The following SZT2 variants were observed in gnomAD, a reference collection of about 807,000 sequenced individuals.
The protein encoded by SZT2 is SZT2 subunit of KICSTOR complex, also known as KICSTOR complex protein SZT2.
In SZT2, 216 loss-of-function variants were observed where a neutral mutation model predicts 404.2. The observed-to-expected ratio is 0.53, with a 90% CI of 0.48 to 0.60. The LOEUF is 0.60. Among genes scored for constraint, SZT2 ranks in the 20% least tolerant of loss-of-function variants. The pLI is 0.00. For missense variants in SZT2, 3,857 were observed against 4,459.2 expected (o/e 0.86, Z 3.85); for synonymous variants, 1,693 against 1,749.9 (o/e 0.97, Z 0.81).
At position 43,424,699 on chromosome 1, in the gene SZT2, G is replaced by A. The variant is rs1401554336; in HGVS notation, c.2472-85G>A. On this transcript the variant is annotated intron_variant, in intron 16 of 71. Transcript: ENST00000634258. This position sits in a 1 kb window ranked among gnomAD's most constrained non-coding sequence, Gnocchi z 4.1. ...CTTGGCTCCTTGAGGACTGCTGGGA[G>A]GTGGGTGTATGTGGGGAGAGCTTGT... is the stretch of plus-strand genomic sequence containing the variant. The A allele has an allele frequency of 1.7e-6, 2 of 1,202,246 alleles. No homozygotes were observed. Among genetic ancestry groups the A allele is most frequent in the Non-Finnish European group, 2.4e-6 (2 of 820,590 alleles). 74.5% of individuals were successfully genotyped at this position (1,202,246 alleles called of 1,614,324 possible). A position where few individuals can be genotyped will look rare whatever the true frequency, so the allele number is the denominator to read the frequency against.
chr1:43,416,017 A>G lies in SZT2; in HGVS notation c.688A>G (p.Met230Val), dbSNP rs1363022583. The G allele has an allele frequency of 3.1e-6, 5 of 1,598,382 alleles. No homozygotes were observed. In the Admixed American group the frequency reaches 5.0e-5, roughly 16 times the overall value. The change falls in exon 6 of 72, where the codon ATG becomes GTG. Residue 230 changes from methionine to valine, a missense_variant. By Grantham distance (21) the Met-to-Val change is conservative (BLOSUM62 1). Around this residue, in one of 7 missense-constraint regions of SZT2, gnomAD observed 536 missense variants for 637.4 expected, o/e 0.84. Coordinates refer to ENST00000634258, the MANE Select transcript of SZT2 (RefSeq NM_001365999.1). ...DLLGRKVGVS[M>V]VTADLGLVSM... ...ACTGGGCCGGAAGGTAGGCGTCTCC[A>G]TGGTGACAGCTGATCTTGGGCTGGT...
rs1655972929 is a variant in SZT2 at position 43,448,531 on chromosome 1, T to C, written c.9969+47T>C. 1 of 1,610,784 alleles carries C rather than the reference T, an allele frequency of 6.2e-7. No homozygotes were observed. The highest frequency in any genetic ancestry group is 1.3e-5 in the African/African-American group (1 of 74,876). On this transcript the variant is annotated intron_variant, in intron 69 of 71. Transcript: ENST00000634258. The surrounding 1 kb of genome is among the most constrained non-coding windows in gnomAD (Gnocchi z 4.2). Reference sequence around the variant, plus strand: ...AAAGAGCTGGGATAGGTGCCAGGAATTCCACTGGCAGCCAGGGCAGAGGGC... The same window carrying C: ...AAAGAGCTGGGATAGGTGCCAGGAACTCCACTGGCAGCCAGGGCAGAGGGC...
rs772312797 is a variant in SZT2 at position 43,447,931 on chromosome 1, C to G, written c.9523C>G (p.Pro3175Ala). The change falls in exon 68 of 72, where the codon CCC (proline) becomes GCC (alanine). Residue 3175 changes from proline (P) to alanine (A), a missense_variant. By Grantham distance (27) the Pro-to-Ala change is conservative (BLOSUM62 -1). Coordinates refer to ENST00000634258, the MANE Select transcript of SZT2 (RefSeq NM_001365999.1). ...TCTGCTTGTCTGTCACTGTGCTGCA[C>G]CCTTTGAGGAGCAAGGAGAGGCTGA... ...VSLLVCHCAA[P>A]FEEQGEAERH... The G allele has an allele frequency of 4.3e-6, 7 of 1,614,062 alleles. No homozygotes were observed. Among genetic ancestry groups the G allele is most frequent in the Non-Finnish European group, 5.9e-6 (7 of 1,180,018 alleles).
At chr1:43,434,785 G>A (rs551900713) in intron 41 of SZT2, among the ~76,000 whole-genome samples, 4 of 152,280 alleles carry the variant, frequency 2.6e-5, no homozygotes, top group Admixed American at 6.5e-5. Context: ...ACAGAGGGAC[G>A]CTGTAACTCT....
At chr1:43,445,010 C>T (rs1655508360) in intron 62 of SZT2, among the ~76,000 whole-genome samples, 1 of 152,188 alleles carries the variant, frequency 6.6e-6, no homozygotes, top group Non-Finnish European at 1.5e-5. Flanking sequence ...GCCTGCCCCT[C>T]CTGTGATCCC....
At chr1:43,404,282 T>C in intron 3 of SZT2, 98 bp from the exon 4 acceptor site, 2 of 1,030,090 alleles carry the variant, frequency 1.9e-6, no homozygotes, top group Admixed American at 2.3e-5. Context: ...CGATCATCCA[T>C]AAGTTAAGTG....
rs1656288769 is a variant in SZT2 at position 43,450,686 on chromosome 1, G to C, written c.*206G>C. The C allele has an allele frequency of 2.6e-6, 2 of 776,372 alleles. No individual in the cohort carries two copies. The highest frequency in any genetic ancestry group is 3.5e-5 in the African/African-American group (2 of 57,448). 48.1% of individuals were successfully genotyped at this position (776,372 alleles called of 1,614,324 possible). On this transcript the variant is annotated 3_prime_UTR_variant, in exon 72 of 72. Transcript: ENST00000634258. This position sits in a 1 kb window ranked among gnomAD's most constrained non-coding sequence, Gnocchi z 4.3. ...CCCTCCCCAAACACCCACAGCCACTGACCCATCCAGGACTCCAGAGAGTCA... is the reference window on the plus strand; with the variant it reads ...CCCTCCCCAAACACCCACAGCCACTCACCCATCCAGGACTCCAGAGAGTCA...
In SZT2 at chr1:43,427,758, A is replaced by G. The variant is rs1346016964; in HGVS notation, c.3803+24A>G. The stretch of plus-strand genomic sequence containing the variant: ...CGGTGAGTGCCTTCAGTGTTGACCT[A>G]AGTCCTCGCCGGGCCATGGCTCCCA... On this transcript the variant is annotated intron_variant, in intron 26 of 71. Coordinates refer to ENST00000634258, the MANE Select transcript of SZT2 (RefSeq NM_001365999.1). 2.5e-6 allele frequency: 4 copies of G among 1,609,678 alleles called. No individual in the cohort carries two copies. In the Admixed American group the frequency reaches 5.0e-5, roughly 20 times the overall value.
chr1:43,452,819 A>G lies in SZT2; in HGVS notation c.*2339A>G. ...GAATCAGCCCCACTTTGAGCCGTCC[A>G]CCTCCTCCCATCATCCCCTGATCTT... On this transcript the variant is annotated 3_prime_UTR_variant, in exon 72 of 72. Transcript: ENST00000634258. 1 of 1,398,542 alleles carries G rather than the reference A, an allele frequency of 7.2e-7. No individual in the cohort carries two copies. Among genetic ancestry groups the G allele is most frequent in the Non-Finnish European group, 9.9e-7 (1 of 1,010,838 alleles). The allele number at this position is 1,398,542 out of a possible 1,614,324, so 86.6% of individuals were successfully genotyped here.
At chr1:43,412,356 T>A (rs1340446523) in intron 4 of SZT2, 1 of 152,314 alleles carries the variant, frequency 6.6e-6, no homozygotes, top group Non-Finnish European at 1.5e-5. Context: ...AGTGCAGTGG[T>A]GTGAACACAG....
intron 4 of SZT2, among the ~76,000 whole-genome samples, chr1:43,414,030 C>T (rs1319233215): frequency 2.6e-5 from 4 of 151,926 alleles, no homozygotes; most frequent in African/African-American, 9.7e-5. Context: ...GCCTGTAATC[C>T]CAGCACTTTG....
chr1:43,419,780 A>G lies in SZT2; in HGVS notation c.926A>G (p.Asn309Ser). 6.3e-7 allele frequency: 1 copy of G among 1,598,454 alleles called. No individual in the cohort carries two copies. The highest frequency in any genetic ancestry group is 1.7e-4 in the Middle Eastern group (1 of 6,060). The part of the protein sequence containing the change: ...SYDCSFGHVP[N>S]VELMKFIAMA... ...GACTGCAGTTTTGGCCATGTGCCCAATGTGGAATTAATGAAGTTCATCGCA... is the reference window on the plus strand; with the variant it reads ...GACTGCAGTTTTGGCCATGTGCCCAGTGTGGAATTAATGAAGTTCATCGCA... Residue 309 changes from asparagine to serine, a missense_variant, in exon 8 of 72, where the codon AAT becomes AGT. Physicochemically the swap from Asn to Ser is conservative, Grantham distance 46. Coordinates refer to ENST00000634258, the MANE Select transcript of SZT2 (RefSeq NM_001365999.1).
chr1:43,443,780 C>T lies in SZT2; in HGVS notation c.8809C>T (p.Pro2937Ser), dbSNP rs751851970. Residue 2937 changes from proline (P) to serine (S), a missense_variant, in exon 62 of 72, where the codon CCC becomes TCC. Transcript: ENST00000634258. ...TTTTGTGCTGGTACCACTGCGGCCCCCCTCACCCGCCCGCAGGTGAGCCCG... is the reference window on the plus strand; with the variant it reads ...TTTTGTGCTGGTACCACTGCGGCCCTCCTCACCCGCCCGCAGGTGAGCCCG... Reference protein sequence around the residue: ...IGFVLVPLRPPSPARSTSRPR... With the variant: ...IGFVLVPLRPSSPARSTSRPR... The T allele has an allele frequency of 5.6e-6, 9 of 1,613,510 alleles. No individual in the cohort carries two copies. The highest frequency in any genetic ancestry group is 2.2e-5 in the East Asian group (1 of 44,890).
rs143992266 is a variant in SZT2, at chr1:43,425,140, G to A, written c.2578G>A (p.Glu860Lys). ...QNEPPGQAAA[E>K]EKHTCVVQYI... Reference sequence around the variant, plus strand: ...TGAACCACCAGGGCAGGCTGCAGCTGAAGAGAAGCACACCTGTGTTGTCCA... The same window carrying A: ...TGAACCACCAGGGCAGGCTGCAGCTAAAGAGAAGCACACCTGTGTTGTCCA... The change falls in exon 18 of 72, where the codon GAA (glutamate) becomes AAA (lysine). Residue 860 changes from glutamate to lysine, a missense_variant. Physicochemically the swap from Glu to Lys is moderately conservative, Grantham distance 56. Transcript: ENST00000634258. The surrounding 1 kb of genome is among the most constrained non-coding windows in gnomAD (Gnocchi z 4.3). The A allele has an allele frequency of 9.0e-3, 14,553 of 1,614,162 alleles. 192 individuals are homozygous for A. Among genetic ancestry groups the A allele is most frequent in the Admixed American group, 0.062 (3,744 of 60,022 alleles).
rs191731277 is a variant in SZT2 at position 43,420,986 on chromosome 1, C to T, written c.1496+3C>T. On this transcript the variant is annotated splice_donor_region_variant and intron_variant, in intron 10 of 71. Transcript: ENST00000634258. The surrounding 1 kb of genome is among the most constrained non-coding windows in gnomAD (Gnocchi z 5.1). ...CGTTTCTGGAACACGCTGCAGAGGT[C>T]AGTGAAGTCATCACTCAATGAGTGC... 6.3e-7 allele frequency: 1 copy of T among 1,598,262 alleles called. No individual in the cohort carries two copies. Among genetic ancestry groups the T allele is most frequent in the Non-Finnish European group, 8.5e-7 (1 of 1,179,662 alleles).
rs1656710805 is a variant in SZT2 at position 43,453,652 on chromosome 1, GCGCC to G, written c.*3173_*3176del. Reference sequence around the variant, plus strand: ...CCCGCTTCTCGCGCGGCGCGCGCCAGCGCCTCAGGCGTCTCCGCGTACGGCCAGG... The same window carrying G: ...CCCGCTTCTCGCGCGGCGCGCGCCAGTCAGGCGTCTCCGCGTACGGCCAGG... On this transcript the variant is annotated 3_prime_UTR_variant, in exon 72 of 72. Coordinates refer to ENST00000634258, the MANE Select transcript of SZT2 (RefSeq NM_001365999.1). 3 of 1,486,576 alleles carry G rather than the reference GCGCC, an allele frequency of 2.0e-6. No homozygotes were observed. The highest frequency in any genetic ancestry group is 2.4e-5 in the Admixed American group (1 of 42,338). The allele number at this position is 1,486,576 out of a possible 1,614,324, so 92.1% of individuals were successfully genotyped here. A position where few individuals can be genotyped will look rare whatever the true frequency, so the allele number is the denominator to read the frequency against.
At position 43,437,950 on chromosome 1, in the gene SZT2, A is replaced by G. The variant is rs1654640707; in HGVS notation, c.6508+48A>G. On this transcript the variant is annotated intron_variant, in intron 46 of 71. Transcript: ENST00000634258. The surrounding 1 kb of genome is among the most constrained non-coding windows in gnomAD (Gnocchi z 5.3). ...GGGAGTCGCCACATGAGGTTCCAGA[A>G]TCCTCTGGGACTTCTCTTAGAACCT... is the stretch of plus-strand genomic sequence containing the variant. The G allele has an allele frequency of 6.4e-7, 1 of 1,572,134 alleles. No homozygotes were observed. The highest frequency in any genetic ancestry group is 8.8e-7 in the Non-Finnish European group (1 of 1,142,668).
chr1:43,424,986 T>C lies in SZT2; in HGVS notation c.2550+124T>C, dbSNP rs767226836. 4.0e-6 allele frequency: 6 copies of C among 1,500,180 alleles called. No homozygotes were observed. Among genetic ancestry groups the C allele is most frequent in the Non-Finnish European group, 5.5e-6 (6 of 1,081,552 alleles). 92.9% of individuals were successfully genotyped at this position (1,500,180 alleles called of 1,614,324 possible). A position where few individuals can be genotyped will look rare whatever the true frequency, so the allele number is the denominator to read the frequency against. Reference sequence around the variant, plus strand: ...CAGGGACCCTGTGGCCAGAGGATGCTCAAGGTCTGAGGCTGCAGTCATAGG... The same window carrying C: ...CAGGGACCCTGTGGCCAGAGGATGCCCAAGGTCTGAGGCTGCAGTCATAGG... On this transcript the variant is annotated intron_variant, in intron 17 of 71. Transcript: ENST00000634258. The surrounding 1 kb of genome is among the most constrained non-coding windows in gnomAD (Gnocchi z 4.1).
At chr1:43,404,686 A>G in intron 4 of SZT2, 136 bp downstream of exon 4, 2 of 849,970 alleles carry the variant, frequency 2.4e-6, no homozygotes, top group Non-Finnish European at 3.6e-6. Context: ...TTTTCTAGTC[A>G]TCCTCATGAG....
Sources: gnomAD v4.1 joint callset for allele counts (sites outside exome capture counted in the v4.1 genomes callset) on GRCh38, gnomAD v4.1.1 for gene constraint, gnomAD v4.1.1 regional missense constraint, Gnocchi (gnomAD v3.1) non-coding constraint, MANE v1.5 for transcripts, NCBI Gene and HGNC (gene_info 2026-07-23, HGNC 2026-07-21) for gene names.